PLOD2: variants seen among roughly 807,000 people sequenced by gnomAD.
PLOD2 encodes the protein procollagen-lysine,2-oxoglutarate 5-dioxygenase 2.
PLOD2 carries 65 observed loss-of-function variants against 101.0 expected under a neutral mutation model. That is an observed-to-expected ratio of 0.64 (90% CI 0.53 to 0.79). The LOEUF (loss-of-function observed/expected upper bound fraction) is 0.79, where lower values mean the gene tolerates loss of function less well. PLOD2 is among the 30% of genes least tolerant of loss of function. The pLI is 0.00. For missense variants in PLOD2, 909 were observed against 914.6 expected, an observed-to-expected ratio of 0.99 and a Z score of 0.08; for synonymous variants, 314 against 302.9, an observed-to-expected ratio of 1.04 and a Z score of -0.38.
intron 1 of PLOD2, among the ~76,000 whole-genome samples, chr3:146,130,310 C>A (rs1389776204): frequency 6.6e-6 from 1 of 152,140 alleles, no homozygotes. Context: ...CTAGAGTAGG[C>A]CAGTACCCAT....
At chr3:146,133,575 T>A (rs943986017) in intron 1 of PLOD2, among the ~76,000 whole-genome samples, 1 of 151,870 alleles carries the variant, frequency 6.6e-6, no homozygotes, top group African/African-American at 2.4e-5. Context: ...TTAAAAAAGG[T>A]GGGAGCTGCT....
At chr3:146,145,721 C>CTTTTGTTATCA (rs2031744613) in intron 1 of PLOD2, among the ~76,000 whole-genome samples, 1 of 152,076 alleles carries the variant, frequency 6.6e-6, no homozygotes, top group Non-Finnish European at 1.5e-5. Context: ...TTTTAAAAGG[C>CTTTTGTTATCA]TGAGTCAAAT....
At chr3:146,102,673 A>T in intron 7 of PLOD2, 82 bp downstream of exon 7, 1 of 744,776 alleles carries the variant, frequency 1.3e-6, no homozygotes, top group South Asian at 1.6e-5. Context: ...AGAAATTTTT[A>T]AAAATAAAAT....
intron 1 of PLOD2, among the ~76,000 whole-genome samples, chr3:146,158,902 A>G (rs773634451): frequency 1.3e-5 from 2 of 152,216 alleles, no homozygotes; most frequent in Non-Finnish European, 2.9e-5. Context: ...TTAAAGAACT[A>G]TTAAGCTAGA....
chr3:146,090,237 G>A (rs531482613), intron 8 of PLOD2, among the ~76,000 whole-genome samples: 1 of 151,262 alleles, frequency 6.6e-6, no homozygotes, highest in East Asian at 1.9e-4. Flanking sequence ...CTAACATTAT[G>A]ATAGGCTTGG....
chr3:146,106,525 T>C lies in PLOD2; in HGVS notation c.615+7A>G, dbSNP rs1427879598. On this transcript the variant is annotated splice_region_variant and intron_variant, in intron 5 of 19. Coordinates refer to ENST00000282903, the MANE Select transcript of PLOD2 (RefSeq NM_182943.3). ...AATAAAACAAAAAAATTGCAGCTGTTACACACCCTTTTCAGTGGATCAATG... is the reference window on the plus strand; with the variant it reads ...AATAAAACAAAAAAATTGCAGCTGTCACACACCCTTTTCAGTGGATCAATG... The C allele has an allele frequency of 7.6e-7, 1 of 1,312,902 alleles. No individual in the cohort carries two copies. The highest frequency in any genetic ancestry group is 1.1e-6 in the Non-Finnish European group (1 of 904,946). The allele number at this position is 1,312,902 out of a possible 1,614,324, so 81.3% of individuals were successfully genotyped here. A position where few individuals can be genotyped will look rare whatever the true frequency, so the allele number is the denominator to read the frequency against.
Position 146,155,577 on chromosome 3 carries a change from A to T in PLOD2, c.109+5304T>A, listed in dbSNP as rs991393741. On this transcript the variant is annotated intron_variant, in intron 1 of 19. Transcript: ENST00000282903. The stretch of plus-strand genomic sequence containing the variant: ...AAAAAAATACAAAAATTAGCTGGGC[A>T]TGGTGGCGGGCACCTGTAATCCCAG... 2.6e-5 allele frequency among the ~76,000 whole-genome samples: 4 copies of T among 151,576 alleles called. No individual in the cohort carries two copies. The East Asian group carries it at 7.8e-4, about 30-fold the overall frequency.
rs1191073623 is a variant in PLOD2 at position 146,121,234 on chromosome 3, T to C, written c.216A>G (p.Gly72=). The change falls in exon 3 of 20, where the codon GGA becomes GGG. Residue 72 remains glycine (G), a synonymous_variant. Transcript: ENST00000282903. ...FNYTVKVLGQ[G]EEWRGGDGIN... Reference sequence around the variant, plus strand: ...TTCCATCACCACCTCTCCATTCTTCTCCTTGACCAAGGACCTATAAACAAA... The same window carrying C: ...TTCCATCACCACCTCTCCATTCTTCCCCTTGACCAAGGACCTATAAACAAA... 1 of 1,612,254 alleles carries C rather than the reference T, an allele frequency of 6.2e-7. No homozygotes were observed. Among genetic ancestry groups the C allele is most frequent in the Non-Finnish European group, 8.5e-7 (1 of 1,178,606 alleles).
chr3:146,119,106 A>C (rs1354840731), intron 3 of PLOD2, among the ~76,000 whole-genome samples: 1 of 152,104 alleles, frequency 6.6e-6, no homozygotes, highest in Non-Finnish European at 1.5e-5. Flanking sequence ...TCATGAGGGC[A>C]GTTTCTAATG....
In PLOD2 at chr3:146,145,966, C is replaced by T. The variant is rs138565437; in HGVS notation, c.109+14915G>A. 7.7e-3 allele frequency among the ~76,000 whole-genome samples: 1,168 copies of T among 152,234 alleles called. 8 individuals carry two copies. Among genetic ancestry groups the T allele is most frequent in the Admixed American group, 0.012 (176 of 15,276 alleles). On this transcript the variant is annotated intron_variant, in intron 1 of 19. Coordinates refer to ENST00000282903, the MANE Select transcript of PLOD2 (RefSeq NM_182943.3). ...ATTAAGTTGTACCATGCCGTCTCTT[C>T]CATAAAAGTTACAATCCACTGGCCT... is the stretch of plus-strand genomic sequence containing the variant.
At chr3:146,092,048 C>T (rs909653115) in intron 7 of PLOD2, 147 bp from the exon 8 acceptor site, 1 of 633,134 alleles carries the variant, frequency 1.6e-6, no homozygotes. Flanking sequence ...TAGGTGCACA[C>T]TGAATAGTCT....
At chr3:146,085,432 C>T in intron 10 of PLOD2, 159 bp from the exon 11 acceptor site, 1 of 600,960 alleles carries the variant, frequency 1.7e-6, no homozygotes, top group Non-Finnish European at 3.0e-6. Context: ...TATATATTGT[C>T]TTAAATTTCA....
At chr3:146,117,776 T>G in intron 3 of PLOD2, among the ~76,000 whole-genome samples, 1 of 151,990 alleles carries the variant, frequency 6.6e-6, no homozygotes, top group East Asian at 1.9e-4. Context: ...CCATTAAAAT[T>G]TTATTATCTT....
At chr3:146,115,648 T>C (rs979067782) in intron 3 of PLOD2, among the ~76,000 whole-genome samples, 1 of 152,146 alleles carries the variant, frequency 6.6e-6, no homozygotes, top group Non-Finnish European at 1.5e-5. Context: ...ACATTACCCA[T>C]CTCTTCCTCA....
intron 3 of PLOD2, among the ~76,000 whole-genome samples, chr3:146,113,059 A>G (rs895926698): frequency 3.9e-5 from 6 of 152,158 alleles, no homozygotes; most frequent in African/African-American, 1.2e-4. Flanking sequence ...AACCCTAATG[A>G]TGGATACAGA....
At chr3:146,131,301 A>G (rs2030892973) in intron 1 of PLOD2, among the ~76,000 whole-genome samples, 1 of 152,208 alleles carries the variant, frequency 6.6e-6, no homozygotes, top group Admixed American at 6.5e-5. Context: ...AGTCATAGAC[A>G]TGAGTACAAC....
chr3:146,084,142 T>C (rs1936675716), intron 11 of PLOD2, among the ~76,000 whole-genome samples: 1 of 152,110 alleles, frequency 6.6e-6, no homozygotes, highest in Admixed American at 6.5e-5. Flanking sequence ...TTACAAATCA[T>C]ACACTATTTC....
chr3:146,117,442 C>G (rs1397648754), intron 3 of PLOD2, among the ~76,000 whole-genome samples: 1 of 152,052 alleles, frequency 6.6e-6, no homozygotes, highest in Non-Finnish European at 1.5e-5. Flanking sequence ...CAACTAGATT[C>G]ATTACTCTGT....
chr3:146,088,693 T>C lies in PLOD2; in HGVS notation c.898A>G (p.Ile300Val), dbSNP rs757119517. The change falls in exon 9 of 20, where the codon ATA becomes GTA. Residue 300 changes from isoleucine to valine, a missense_variant. Transcript: ENST00000282903. ...SAVDVHPNVS[I>V]GVFIEQPTPF... ...GTTGGTTGCTCAATAAAAACACCTA[T>C]TGATACGTTTGGATGGACCTTTGTT... 66 of 1,607,528 alleles carry C rather than the reference T, an allele frequency of 4.1e-5. No individual in the cohort carries two copies. Among genetic ancestry groups the C allele is most frequent in the Non-Finnish European group, 5.6e-5 (66 of 1,174,646 alleles).
Sources: allele counts gnomAD v4.1 joint callset (sites outside exome capture counted in the v4.1 genomes callset), GRCh38; gene constraint gnomAD v4.1.1; transcripts MANE v1.5; gene names NCBI Gene and HGNC (gene_info 2026-07-23, HGNC 2026-07-21).